Variants in RREB1 observed in about 807,000 individuals in gnomAD.
RREB1 encodes the protein ras-responsive element-binding protein 1.
RREB1 carries 27 observed loss-of-function variants against 117.8 expected under a neutral mutation model. The observed-to-expected ratio is 0.23, with a 90% CI of 0.17 to 0.32. The LOEUF is 0.32. RREB1 is among the 10% of genes least tolerant of loss of function. RREB1 has a pLI of 1.00. For synonymous variants in RREB1, 1,298 were observed against 1,026.7 expected, an observed-to-expected ratio of 1.26 and a Z score of -5.05; for missense variants, 2,577 against 2,378.2, an observed-to-expected ratio of 1.08 and a Z score of -1.74.
At chr6:7,190,974 T>G (rs1765372204) in intron 6 of RREB1, among the ~76,000 whole-genome samples, 2 of 152,366 alleles carry the variant, frequency 1.3e-5, no homozygotes, top group South Asian at 2.1e-4. Context: ...TAGTGGCGTT[T>G]TGGCCCTAAC....
chr6:7,182,459 A>G (rs1327489500), intron 4 of RREB1, among the ~76,000 whole-genome samples: 1 of 152,196 alleles, frequency 6.6e-6, no homozygotes, highest in Non-Finnish European at 1.5e-5. Flanking sequence ...GCAAATAAGT[A>G]TTGCCTGTGC....
chr6:7,123,349 A>C (rs1490561142), intron 1 of RREB1, among the ~76,000 whole-genome samples: 1 of 151,700 alleles, frequency 6.6e-6, no homozygotes, highest in Non-Finnish European at 1.5e-5. Context: ...TTTAATGGAG[A>C]CAGGGTTTCA....
rs1393369418 is a variant in RREB1 at position 7,170,508 on chromosome 6, GTA to G, written c.-284-6146_-284-6145del. ...CCACCTCCAAGGAGCTTTTCGGGAA[GTA>G]CCACAGGCTTGGCAACTGCTGTTTG... On this transcript the variant is annotated intron_variant, in intron 1 of 12. Coordinates refer to ENST00000379938, the MANE Select transcript of RREB1 (RefSeq NM_001003699.4). Among the ~76,000 whole-genome samples, 4 of 152,198 alleles carry G rather than the reference GTA, an allele frequency of 2.6e-5. No individual in the cohort carries two copies. The East Asian group carries it at 5.8e-4, about 22-fold the overall frequency.
In RREB1 at chr6:7,244,186, C is replaced by T. The variant is rs1234589089; in HGVS notation, c.3974-2238C>T. On this transcript the variant is annotated intron_variant, in intron 11 of 12. Transcript: ENST00000379938. ...GCTGAGACAGGAGAATCGCCTGAACCCAGGAGGCAGAGGTTACGGTGAGCT... is the reference window on the plus strand; with the variant it reads ...GCTGAGACAGGAGAATCGCCTGAACTCAGGAGGCAGAGGTTACGGTGAGCT... 4.6e-5 allele frequency among the ~76,000 whole-genome samples: 7 copies of T among 151,780 alleles called. No individual in the cohort carries two copies. The South Asian group carries it at 1.2e-3, about 27-fold the overall frequency.
chr6:7,189,121 CT>C (rs766148241), intron 5 of RREB1, 37 bp from the exon 6 acceptor site: 3 of 1,579,346 alleles, frequency 1.9e-6, no homozygotes, highest in Middle Eastern at 1.7e-4. Flanking sequence ...TTCTGATGCA[CT>C]TTCTTAAGTG....
chr6:7,191,621 C>T (rs1020124814), intron 6 of RREB1, among the ~76,000 whole-genome samples: 1 of 152,144 alleles, frequency 6.6e-6, no homozygotes, highest in African/African-American at 2.4e-5. Flanking sequence ...GATGTTTTCC[C>T]ATTTGTTAAG....
At position 7,229,659 on chromosome 6, in the gene RREB1, C is replaced by A. The variant is rs1206543179; in HGVS notation, c.1560C>A (p.Ala520=). 1 of 1,611,734 alleles carries A rather than the reference C, an allele frequency of 6.2e-7. No homozygotes were observed. The highest frequency in any genetic ancestry group is 1.7e-5 in the Admixed American group (1 of 59,906). The change falls in exon 10 of 13, where the codon GCC becomes GCA. Residue 520 remains alanine, a synonymous_variant. Coordinates refer to ENST00000379938, the MANE Select transcript of RREB1 (RefSeq NM_001003699.4). The surrounding 1 kb of genome is among the most constrained non-coding windows in gnomAD (Gnocchi z 4.5). ...TGGTCACACCACGGACGGTGGTGGCCACCTCCACGCCCCCGCCTCTCATCA... is the reference window on the plus strand; with the variant it reads ...TGGTCACACCACGGACGGTGGTGGCAACCTCCACGCCCCCGCCTCTCATCA... The part of the protein sequence containing the change: ...KPLVTPRTVV[A]TSTPPPLINA...
At chr6:7,197,474 C>T (rs1376477364) in intron 6 of RREB1, among the ~76,000 whole-genome samples, 1 of 152,096 alleles carries the variant, frequency 6.6e-6, no homozygotes, top group Non-Finnish European at 1.5e-5. Flanking sequence ...CACTTGAGGA[C>T]AGGAGTTTGA....
intron 1 of RREB1, among the ~76,000 whole-genome samples, chr6:7,164,775 G>C (rs1258360410): frequency 2.6e-5 from 4 of 152,238 alleles, no homozygotes; most frequent in Non-Finnish European, 4.4e-5. Flanking sequence ...GTTAGGATTG[G>C]GAGGAAAATC....
intron 1 of RREB1, among the ~76,000 whole-genome samples, chr6:7,175,120 T>TA (rs1432203752): frequency 6.6e-6 from 1 of 152,166 alleles, no homozygotes; most frequent in Non-Finnish European, 1.5e-5. Context: ...TGCTTTTTTT[T>TA]AAGCAATATT....
intron 4 of RREB1, among the ~76,000 whole-genome samples, chr6:7,186,057 A>G (rs1205471990): frequency 6.6e-6 from 1 of 152,254 alleles, no homozygotes; most frequent in African/African-American, 2.4e-5. Context: ...CAAGGAGCAG[A>G]AACTCATTCA....
intron 1 of RREB1, among the ~76,000 whole-genome samples, chr6:7,152,284 G>C (rs1423217424): frequency 6.6e-6 from 1 of 152,190 alleles, no homozygotes; most frequent in Non-Finnish European, 1.5e-5. Context: ...TGTACATGAT[G>C]ACTTTCTTGG....
chr6:7,124,736 C>T (rs1246086214), intron 1 of RREB1, among the ~76,000 whole-genome samples: 3 of 152,196 alleles, frequency 2.0e-5, no homozygotes, highest in Non-Finnish European at 4.4e-5. Context: ...GTACTAGTTA[C>T]CAGCCGCCTA....
At position 7,251,500 on chromosome 6, in the gene RREB1, T is replaced by G. The variant is rs1330613305; in HGVS notation, c.*2532T>G. 44 of 149,574 alleles carry G rather than the reference T, an allele frequency of 2.9e-4. No homozygotes were observed. Among genetic ancestry groups the G allele is most frequent in the African/African-American group, 7.8e-4 (32 of 40,914 alleles). 9.3% of individuals were successfully genotyped at this position (149,574 alleles called of 1,614,324 possible). On this transcript the variant is annotated 3_prime_UTR_variant, in exon 13 of 13. Coordinates refer to ENST00000379938, the MANE Select transcript of RREB1 (RefSeq NM_001003699.4). ...TGCAAGTTTTTTCTCTTTTTTTTTT[T>G]TTTTTTTTTTTCTCATTGATTAATG...
At position 7,166,611 on chromosome 6, in the gene RREB1, A is replaced by G. The variant is rs77412350; in HGVS notation, c.-284-10044A>G. Among the ~76,000 whole-genome samples the G allele has an allele frequency of 3.7e-3, 565 of 152,262 alleles. 2 individuals are homozygous for G. Among genetic ancestry groups the G allele is most frequent in the Admixed American group, 0.012 (187 of 15,304 alleles). ...TTGACCACAGCTGACCACTTTTCCA[A>G]TGGGCGAGGAAAGATGTGATCTCCT... On this transcript the variant is annotated intron_variant, in intron 1 of 12. Coordinates refer to ENST00000379938, the MANE Select transcript of RREB1 (RefSeq NM_001003699.4).
chr6:7,234,830 A>C (rs938722928), intron 10 of RREB1, among the ~76,000 whole-genome samples: 1 of 152,182 alleles, frequency 6.6e-6, no homozygotes, highest in Admixed American at 6.5e-5. Context: ...AGATGGAGCT[A>C]CTGTTCCAAG....
intron 1 of RREB1, among the ~76,000 whole-genome samples, chr6:7,163,091 C>T (rs898552276): frequency 6.6e-6 from 1 of 152,164 alleles, no homozygotes; most frequent in Non-Finnish European, 1.5e-5. Flanking sequence ...CCATAATTAG[C>T]AGTGTCTTTT....
At position 7,248,638 on chromosome 6, in the gene RREB1, A is replaced by G. The variant is rs902947585; in HGVS notation, c.4899A>G (p.Glu1633=). Residue 1633 remains glutamate, a synonymous_variant, in exon 13 of 13, where the codon GAA becomes GAG. Coordinates refer to ENST00000379938, the MANE Select transcript of RREB1 (RefSeq NM_001003699.4). ...AKHHGKDSDK[E]ERGEEDSENE... is the part of the protein sequence containing the mutation. Reference sequence around the variant, plus strand: ...ACCACGGGAAGGACAGCGACAAGGAAGAGCGGGGTGAGGAGGACAGCGAGA... The same window carrying G: ...ACCACGGGAAGGACAGCGACAAGGAGGAGCGGGGTGAGGAGGACAGCGAGA... 6.2e-7 allele frequency: 1 copy of G among 1,614,254 alleles called. No individual in the cohort carries two copies. Among genetic ancestry groups the G allele is most frequent in the Admixed American group, 1.7e-5 (1 of 60,026 alleles).
chr6:7,142,808 T>C (rs1379868069), intron 1 of RREB1, among the ~76,000 whole-genome samples: 1 of 152,236 alleles, frequency 6.6e-6, no homozygotes, highest in Non-Finnish European at 1.5e-5. Context: ...CTTACCTCAC[T>C]TTTGCTGCAC....
Sources: gnomAD v4.1 joint callset for allele counts (sites outside exome capture counted in the v4.1 genomes callset) on GRCh38, gnomAD v4.1.1 for gene constraint, Gnocchi (gnomAD v3.1) non-coding constraint, MANE v1.5 for transcripts, NCBI Gene and HGNC (gene_info 2026-07-23, HGNC 2026-07-21) for gene names.